The following GRK6 variants were observed in gnomAD, a reference collection of about 807,000 sequenced individuals.
GRK6 encodes G protein-coupled receptor kinase 6.
Under a neutral mutation model 80.8 loss-of-function variants are expected in GRK6, and 37 were observed. The observed-to-expected ratio is 0.46, with a 90% CI of 0.35 to 0.60. The LOEUF (loss-of-function observed/expected upper bound fraction) is 0.60. Among genes scored for constraint, GRK6 ranks in the 20% least tolerant of loss-of-function variants. GRK6 has a pLI of 0.00. For missense variants in GRK6, 560 were observed against 784.6 expected (o/e 0.71, Z 3.42); for synonymous variants, 295 against 320.9 (o/e 0.92, Z 0.86).
At position 177,436,541 on chromosome 5, in the gene GRK6, C is replaced by G; in HGVS notation, c.1404+11C>G. The G allele has an allele frequency of 6.4e-7, 1 of 1,568,474 alleles. No individual in the cohort carries two copies. The highest frequency in any genetic ancestry group is 8.7e-7 in the Non-Finnish European group (1 of 1,155,696). ...CCGTTCAAGCCTGACGTGAGTGCAG[C>G]CCACTCCTGCTGAGGGCGGGGCCCA... On this transcript the variant is annotated intron_variant, in intron 13 of 15. Transcript: ENST00000355472.
intron 2 of GRK6, 48 bp downstream of exon 2, chr5:177,431,015 G>A: frequency 1.3e-6 from 2 of 1,518,936 alleles, no homozygotes; most frequent in South Asian, 1.1e-5. Context: ...GGGCCCTGCT[G>A]GGGCCGGGGG....
chr5:177,430,840 A>C, intron 1 of GRK6, 32 bp from the exon 2 acceptor site: 6 of 1,588,426 alleles, frequency 3.8e-6, no homozygotes, highest in South Asian at 1.1e-5. Flanking sequence ...AGGCAGTGGG[A>C]CTCGAGACCC....
upstream of GRK6, among the ~76,000 whole-genome samples, chr5:177,426,237 T>C (rs1475209380): frequency 6.6e-6 from 1 of 152,122 alleles, no homozygotes; most frequent in Non-Finnish European, 1.5e-5. Flanking sequence ...GACAAAACCC[T>C]AGAAAAGCCG....
rs1036421093 is a variant in GRK6 at position 177,428,134 on chromosome 5, C to G, written c.52+1237C>G. On this transcript the variant is annotated intron_variant, in intron 1 of 15. Coordinates refer to ENST00000355472, the MANE Select transcript of GRK6 (RefSeq NM_001004106.3). This position sits in a 1 kb window ranked among gnomAD's most constrained non-coding sequence, Gnocchi z 4.1. ...GCCTGTCTTATCCCCTGTCCCTTAT[C>G]GAGCCCATGGGCTAGGCCTTCCTCC... 1.3e-5 allele frequency among the ~76,000 whole-genome samples: 2 copies of G among 152,242 alleles called. No homozygotes were observed. The highest frequency in any genetic ancestry group is 4.8e-5 in the African/African-American group (2 of 41,474).
Position 177,440,742 on chromosome 5 carries a change from T to A in GRK6, c.1447T>A (p.Phe483Ile). The A allele has an allele frequency of 6.2e-7, 1 of 1,614,178 alleles. No individual in the cohort carries two copies. The highest frequency in any genetic ancestry group is 8.5e-7 in the Non-Finnish European group (1 of 1,180,022). The change falls in exon 14 of 16, where the codon TTC becomes ATC. Residue 483 changes from phenylalanine to isoleucine, a missense_variant. By Grantham distance (21) the Phe-to-Ile change is conservative. Transcript: ENST00000355472. ...YCKDVLDIEQ[F>I]STVKGVELEP... Reference sequence around the variant, plus strand: ...CAAGGATGTTCTGGACATTGAACAGTTCTCTACGGTCAAGGGCGTGGAGCT... The same window carrying A: ...CAAGGATGTTCTGGACATTGAACAGATCTCTACGGTCAAGGGCGTGGAGCT...
intron 13 of GRK6, among the ~76,000 whole-genome samples, chr5:177,439,630 C>T (rs1764359661): frequency 6.6e-6 from 1 of 151,494 alleles, no homozygotes; most frequent in African/African-American, 2.4e-5. Context: ...ATTACCTGCC[C>T]CACTCTGCAA....
Position 177,441,190 on chromosome 5 carries a change from A to G in GRK6, c.1677+137A>G, listed in dbSNP as rs1764478060. On this transcript the variant is annotated intron_variant, in intron 15 of 15. Transcript: ENST00000355472. ...TGTGGTGCCCAGGGTCTCTGGCCTCATTCCCGCCTGTCCCCCACCCCTGGC... is the reference window on the plus strand; with the variant it reads ...TGTGGTGCCCAGGGTCTCTGGCCTCGTTCCCGCCTGTCCCCCACCCCTGGC... 1.8e-5 allele frequency: 27 copies of G among 1,472,540 alleles called. 1 individual carries two copies. The South Asian group carries it at 3.2e-4, about 18-fold the overall frequency. The allele number at this position is 1,472,540 out of a possible 1,614,324, so 91.2% of individuals were successfully genotyped here.
Position 177,435,863 on chromosome 5 carries a change from A to G in GRK6, c.1058-210A>G, listed in dbSNP as rs1331017678. Among the ~76,000 whole-genome samples the G allele has an allele frequency of 2.0e-5, 3 of 152,234 alleles. No individual in the cohort carries two copies. The South Asian group carries it at 6.2e-4, about 32-fold the overall frequency. ...AATACAGATTTCTGACTTCTTGTGT[A>G]AAATCTGAAGACCCGGGGACCCTGG... On this transcript the variant is annotated intron_variant, in intron 11 of 15. Coordinates refer to ENST00000355472, the MANE Select transcript of GRK6 (RefSeq NM_001004106.3).
chr5:177,432,417 C>A, intron 4 of GRK6, 107 bp downstream of exon 4: 1 of 1,088,598 alleles, frequency 9.2e-7, no homozygotes, highest in Non-Finnish European at 1.4e-6. Context: ...CATACAGACA[C>A]ATGTAACACA....
Position 177,440,711 on chromosome 5 carries a change from T to G in GRK6, c.1416T>G (p.Ile472Met). Reference sequence around the variant, plus strand: ...CTCTGTCCCACCAGCCCCAGGCCATTTACTGCAAGGATGTTCTGGACATTG... The same window carrying G: ...CTCTGTCCCACCAGCCCCAGGCCATGTACTGCAAGGATGTTCTGGACATTG... ...EPPFKPDPQA[I>M]YCKDVLDIEQ... The change falls in exon 14 of 16, where the codon ATT becomes ATG. Residue 472 changes from isoleucine to methionine, a missense_variant. Transcript: ENST00000355472. The G allele has an allele frequency of 6.2e-7, 1 of 1,614,088 alleles. No individual in the cohort carries two copies. Among genetic ancestry groups the G allele is most frequent in the Non-Finnish European group, 8.5e-7 (1 of 1,179,934 alleles).
chr5:177,430,349 G>T (rs2127370859), intron 1 of GRK6, among the ~76,000 whole-genome samples: 1 of 152,310 alleles, frequency 6.6e-6, no homozygotes, highest in Admixed American at 6.5e-5. Context: ...CAGTGTGCAG[G>T]GGACGGGGAG....
At position 177,432,629 on chromosome 5, in the gene GRK6, G is replaced by T. The variant is rs568853212; in HGVS notation, c.340-77G>T. The T allele has an allele frequency of 4.8e-6, 5 of 1,048,144 alleles. No individual in the cohort carries two copies. In the African/African-American group the frequency reaches 8.0e-5, roughly 17 times the overall value. 64.9% of individuals were successfully genotyped at this position (1,048,144 alleles called of 1,614,324 possible). On this transcript the variant is annotated intron_variant, in intron 4 of 15. Coordinates refer to ENST00000355472, the MANE Select transcript of GRK6 (RefSeq NM_001004106.3). Reference sequence around the variant, plus strand: ...GCCTCTCATGGCACCAGCCCGAGTTGCCTGACCCCTCTCCCCTGGAAGTGG... The same window carrying T: ...GCCTCTCATGGCACCAGCCCGAGTTTCCTGACCCCTCTCCCCTGGAAGTGG...
intron 15 of GRK6, 94 bp downstream of exon 15, chr5:177,441,147 G>T: frequency 6.5e-7 from 1 of 1,535,284 alleles, no homozygotes; most frequent in Non-Finnish European, 8.9e-7. Flanking sequence ...GCTGGGAGTG[G>T]GCGTCCTCCA....
intron 2 of GRK6, 52 bp downstream of exon 2, chr5:177,431,019 C>G: frequency 6.7e-7 from 1 of 1,490,504 alleles, no homozygotes; most frequent in Non-Finnish European, 9.2e-7. Flanking sequence ...CCTGCTGGGG[C>G]CGGGGGAGCC....
chr5:177,431,897 G>C (rs770894951), intron 2 of GRK6, 98 bp from the exon 3 acceptor site: 1 of 1,017,568 alleles, frequency 9.8e-7, no homozygotes, highest in South Asian at 1.3e-5. Flanking sequence ...TGCAGAGCTG[G>C]AAGCTGTTGT....
chr5:177,431,897 G>A, intron 2 of GRK6, 98 bp from the exon 3 acceptor site: 2 of 1,017,568 alleles, frequency 2.0e-6, no homozygotes, highest in East Asian at 4.7e-5. Context: ...TGCAGAGCTG[G>A]AAGCTGTTGT....
Position 177,441,021 on chromosome 5 carries a change from A to G in GRK6, c.1645A>G (p.Lys549Glu). Residue 549 changes from lysine to glutamate, a missense_variant, in exon 15 of 16, where the codon AAG (lysine) becomes GAG (glutamate). By Grantham distance (56) the Lys-to-Glu change is moderately conservative. This residue lies in a region of GRK6 where 294 missense variants were observed against 397.4 expected (regional missense o/e 0.74). Transcript: ENST00000355472. ...WKGQPPAPPKKGLLQRLFSRQ... is the reference protein window; with the variant it reads ...WKGQPPAPPKEGLLQRLFSRQ... ...GGGCCAGCCACCTGCACCTCCTAAA[A>G]AGGGACTGCTGCAGAGACTCTTCAG... 1 of 1,613,988 alleles carries G rather than the reference A, an allele frequency of 6.2e-7. No individual in the cohort carries two copies. Among genetic ancestry groups the G allele is most frequent in the Non-Finnish European group, 8.5e-7 (1 of 1,179,984 alleles).
chr5:177,436,334 T>TTGCCGCC, intron 12 of GRK6, 53 bp downstream of exon 12: 1 of 1,556,028 alleles, frequency 6.4e-7, no homozygotes, highest in Non-Finnish European at 8.8e-7. Flanking sequence ...GATGCACCTT[T>TTGCCGCC]CCCTCCCTCC....
In GRK6 at chr5:177,433,730, G is replaced by A. The variant is rs556186690; in HGVS notation, c.738+54G>A. The stretch of plus-strand genomic sequence containing the variant: ...CCTTGGCCACACTGGCGCACCGACC[G>A]TCCCCACCCCCCAGGCCCCACCCTC... On this transcript the variant is annotated intron_variant, in intron 8 of 15. Transcript: ENST00000355472. 3.5e-5 allele frequency: 56 copies of A among 1,598,808 alleles called. No homozygotes were observed. In the African/African-American group the frequency reaches 4.0e-4, roughly 11 times the overall value.
Sources: allele counts gnomAD v4.1 joint callset (sites outside exome capture counted in the v4.1 genomes callset), GRCh38; gene constraint gnomAD v4.1.1; regional missense constraint gnomAD v4.1.1; non-coding constraint Gnocchi (gnomAD v3.1); transcripts MANE v1.5; gene names NCBI Gene and HGNC (gene_info 2026-07-23, HGNC 2026-07-21).